Variants in ERICH1 observed in about 807,000 individuals in gnomAD.
ERICH1 encodes the protein glutamate rich 1.
In ERICH1, 56 loss-of-function variants were observed where a neutral mutation model predicts 39.6. The ratio of observed to expected loss-of-function variants is 1.41; its 90% CI spans 1.14 to 1.77. The LOEUF is 1.77. ERICH1 is among the 40% of genes most tolerant of loss of function. ERICH1 has a pLI of 0.00. For synonymous variants in ERICH1, 313 were observed against 223.6 expected, an observed-to-expected ratio of 1.40 and a Z score of -3.57; for missense variants, 826 against 575.4, an observed-to-expected ratio of 1.44 and a Z score of -4.45.
At chr8:704,351 G>C (rs868742968) in intron 2 of ERICH1, among the ~76,000 whole-genome samples, 1 of 152,138 alleles carries the variant, frequency 6.6e-6, no homozygotes, top group Non-Finnish European at 1.5e-5. Context: ...CCATGCTGGG[G>C]GTGGAACAGT....
rs569921221 is a variant in ERICH1, at chr8:692,508, C to T, written c.274G>A (p.Glu92Lys). The change falls in exon 3 of 6, where the codon GAG becomes AAG. Residue 92 changes from glutamate to lysine, a missense_variant. Coordinates refer to ENST00000262109, the MANE Select transcript of ERICH1 (RefSeq NM_207332.3). ...WPEPSSCGSP[E>K]NASSGDDTED... ...GTGTCATCCCCGCTGGAGGCGTTCT[C>T]GGGGCTCCCACAGCTGCTGGGCTCC... The T allele has an allele frequency of 9.7e-5, 156 of 1,614,022 alleles. No individual in the cohort carries two copies. The East Asian group carries it at 3.0e-3, about 31-fold the overall frequency.
intron 1 of ERICH1, among the ~76,000 whole-genome samples, chr8:728,333 T>C (rs776540965): frequency 1.3e-4 from 20 of 152,214 alleles, no homozygotes; most frequent in Non-Finnish European, 5.9e-5. Flanking sequence ...TGACAGGCAC[T>C]GGGAACCGTC....
intron 1 of ERICH1, among the ~76,000 whole-genome samples, chr8:719,178 G>A (rs1308231989): frequency 1.2e-4 from 19 of 152,136 alleles, no homozygotes; most frequent in Non-Finnish European, 1.5e-5. Flanking sequence ...CAGGGAGGCC[G>A]TTTCAACCGT....
chr8:681,929 G>A (rs1314112347), intron 3 of ERICH1, among the ~76,000 whole-genome samples: 6 of 152,064 alleles, frequency 3.9e-5, no homozygotes, highest in Admixed American at 2.6e-4. Context: ...ACCACGCCTC[G>A]GTGACGTCTG....
chr8:723,047 G>A (rs1192694681), intron 1 of ERICH1, among the ~76,000 whole-genome samples: 1 of 152,206 alleles, frequency 6.6e-6, no homozygotes, highest in African/African-American at 2.4e-5. Context: ...TGGGCCATGG[G>A]GCAGATCCCG....
chr8:630,273 A>AT lies in ERICH1; in HGVS notation c.977-14990_977-14989insA, dbSNP rs1215994085. Among the ~76,000 whole-genome samples, 562 of 115,330 alleles carry AT rather than the reference A, an allele frequency of 4.9e-3. 7 individuals carry two copies. The highest frequency in any genetic ancestry group is 7.9e-3 in the South Asian group (26 of 3,304). 75.7% of individuals were successfully genotyped at this position (115,330 alleles called of 152,430 possible). On this transcript the variant is annotated intron_variant, in intron 3 of 3. Transcript: ENST00000522706. The stretch of plus-strand genomic sequence containing the variant: ...CTCACACCCTCCCGTGACCACCCAC[A>AT]GGCAGAGGTGACTCACACCCTCCTG...
chr8:716,650 T>C (rs556419255), intron 1 of ERICH1, among the ~76,000 whole-genome samples: 9 of 152,316 alleles, frequency 5.9e-5, no homozygotes, highest in Admixed American at 4.6e-4. Context: ...TCATAATGAA[T>C]AAATATTTCT....
intron 1 of ERICH1, among the ~76,000 whole-genome samples, chr8:728,381 G>A (rs55722884): frequency 6.6e-6 from 1 of 152,030 alleles, no homozygotes; most frequent in African/African-American, 2.4e-5. Flanking sequence ...CCTGGTCAAC[G>A]CCAGATGCAG....
chr8:635,400 G>A (rs1798347879), intron 3 of ERICH1, among the ~76,000 whole-genome samples: 1 of 152,170 alleles, frequency 6.6e-6, no homozygotes, highest in Admixed American at 6.5e-5. Flanking sequence ...GTCCCCGCAG[G>A]GCTCATCACC....
chr8:641,393 A>G (rs1424882691), intron 3 of ERICH1, among the ~76,000 whole-genome samples: 1 of 152,254 alleles, frequency 6.6e-6, no homozygotes, highest in Non-Finnish European at 1.5e-5. Flanking sequence ...AAAATTAAAA[A>G]TTAAAAGAGA....
At chr8:658,426 G>C (rs1800946256) in intron 3 of ERICH1, among the ~76,000 whole-genome samples, 2 of 152,204 alleles carry the variant, frequency 1.3e-5, no homozygotes, top group East Asian at 3.9e-4. Flanking sequence ...CCAGTGTAAA[G>C]CAGGGGCTTC....
intron 3 of ERICH1, among the ~76,000 whole-genome samples, chr8:688,751 A>C (rs1346291337): frequency 1.3e-5 from 2 of 152,210 alleles, no homozygotes; most frequent in Admixed American, 1.3e-4. Flanking sequence ...CTACTGAATA[A>C]AAACAATGAA....
At chr8:636,871 G>A (rs888736546) in intron 3 of ERICH1, among the ~76,000 whole-genome samples, 1 of 152,188 alleles carries the variant, frequency 6.6e-6, no homozygotes, top group Admixed American at 6.5e-5. Flanking sequence ...GTCACCTTCT[G>A]AGCATTTCCC....
intron 1 of ERICH1, among the ~76,000 whole-genome samples, chr8:722,407 G>A (rs867445038): frequency 6.6e-6 from 1 of 152,026 alleles, no homozygotes; most frequent in Non-Finnish European, 1.5e-5. Context: ...AAGTCACTTC[G>A]GTATAATTCT....
intron 2 of ERICH1, among the ~76,000 whole-genome samples, chr8:698,436 C>G (rs538203400): frequency 6.6e-6 from 1 of 152,202 alleles, no homozygotes; most frequent in South Asian, 2.1e-4. Flanking sequence ...CCAAGGTCGT[C>G]TTGAACTCCT....
chr8:707,773 AC>A (rs1813649919), intron 2 of ERICH1, among the ~76,000 whole-genome samples: 1 of 152,264 alleles, frequency 6.6e-6, no homozygotes, highest in Non-Finnish European at 1.5e-5. Context: ...AACACAGGCA[AC>A]AAAAGAAAAA....
rs867409298 is a variant in ERICH1, at chr8:615,097, C to A, written c.*126G>T. The A allele has an allele frequency of 6.7e-6, 4 of 599,592 alleles. No homozygotes were observed. The African/African-American group carries it at 7.5e-5, about 11-fold the overall frequency. 37.1% of individuals were successfully genotyped at this position (599,592 alleles called of 1,614,324 possible). A position where few individuals can be genotyped will look rare whatever the true frequency, so the allele number is the denominator to read the frequency against. Reference sequence around the variant, plus strand: ...ACTGAAGATCTCAGCTCTCGTCAGCCTTGCAAAGCTTGCTGCATCTGAGTC... The same window carrying A: ...ACTGAAGATCTCAGCTCTCGTCAGCATTGCAAAGCTTGCTGCATCTGAGTC... On this transcript the variant is annotated 3_prime_UTR_variant, in exon 4 of 4. Coordinates refer to the ERICH1 transcript ENST00000522706.
intron 3 of ERICH1, chr8:627,036 T>G (rs973543498): frequency 2.2e-6 from 1 of 445,562 alleles, no homozygotes; most frequent in Non-Finnish European, 4.6e-6. Flanking sequence ...CACTCCCTTC[T>G]GTCTCCTCGG....
At position 649,388 on chromosome 8, in the gene ERICH1, TCA is replaced by T. The variant is rs1409456341; in HGVS notation, c.976+19208_976+19209del. On this transcript the variant is annotated intron_variant, in intron 3 of 3. Coordinates refer to the ERICH1 transcript ENST00000522706. ...AGAGTTTGCAGAAGGGCTTTTACGC[TCA>T]CAGTGTGGTTAAACTGGCTTCTCGG... Among the ~76,000 whole-genome samples the T allele has an allele frequency of 5.3e-4, 8 of 15,166 alleles. 4 individuals are homozygous for T. Among genetic ancestry groups the T allele is most frequent in the Non-Finnish European group, 2.6e-3 (6 of 2,298 alleles). The allele number at this position is 15,166 out of a possible 152,430, so 9.9% of individuals were successfully genotyped here.
Sources: allele counts gnomAD v4.1 joint callset (sites outside exome capture counted in the v4.1 genomes callset), GRCh38; gene constraint gnomAD v4.1.1; transcripts MANE v1.5; gene names NCBI Gene and HGNC (gene_info 2026-07-23, HGNC 2026-07-21).